Variants in COL14A1 observed in about 807,000 individuals in gnomAD.
COL14A1 encodes the protein collagen alpha-1(XIV) chain.
A neutral mutation model predicts 230.3 loss-of-function variants in COL14A1; 136 were observed. The ratio of observed to expected loss-of-function variants is 0.59; its 90% CI spans 0.51 to 0.68. The LOEUF (loss-of-function observed/expected upper bound fraction) is 0.68, where lower values mean the gene tolerates loss of function less well. Ranked by LOEUF, COL14A1 falls within the 30% of genes least tolerant of loss-of-function variation. The probability of loss-of-function intolerance (pLI) is 0.00; values close to 1 mark genes in which losing one functional copy is unlikely to be tolerated. For synonymous variants in COL14A1, 792 were observed against 784.1 expected (o/e 1.01, Z -0.17); for missense variants, 1,976 against 2,215.8 (o/e 0.89, Z 2.17).
In COL14A1 at chr8:120,243,964, A is replaced by G. The variant is rs1438911059; in HGVS notation, c.2435A>G (p.Tyr812Cys). 3.7e-6 allele frequency: 6 copies of G among 1,613,536 alleles called. No individual in the cohort carries two copies. The African/African-American group carries it at 5.3e-5, about 14-fold the overall frequency. The change falls in exon 20 of 48, where the codon TAC becomes TGC. Residue 812 changes from tyrosine (Y) to cysteine (C), a missense_variant. Physicochemically the swap from Tyr to Cys is radical, Grantham distance 194. This residue lies in a region of COL14A1 where 1,791 missense variants were observed against 2,019.5 expected (regional missense o/e 0.89). Transcript: ENST00000297848. ...TACAAAGTCACAGTGACTCCCATCT[A>G]CACGGATGGCGAAGGCGTCAGCGTC... ...TEYKVTVTPI[Y>C]TDGEGVSVSA...
intron 34 of COL14A1, among the ~76,000 whole-genome samples, chr8:120,294,102 T>C (rs915652669): frequency 1.3e-5 from 2 of 151,804 alleles, no homozygotes; most frequent in Non-Finnish European, 3.0e-5. Context: ...TCTCTAGATA[T>C]TTATATAAAT....
intron 40 of COL14A1, among the ~76,000 whole-genome samples, chr8:120,319,365 G>A (rs1821353716): frequency 6.6e-6 from 1 of 151,758 alleles, no homozygotes; most frequent in Non-Finnish European, 1.5e-5. Flanking sequence ...GTAGATATGG[G>A]GGTCTTGCTG....
chr8:120,151,639 C>CA (rs59123417), intron 2 of COL14A1, among the ~76,000 whole-genome samples: 3,295 of 78,528 alleles, frequency 0.042, 347 homozygotes, highest in African/African-American at 0.15. Context: ...GACTCCGTCT[C>CA]AAAAAAAAAA....
intron 24 of COL14A1, 23 bp downstream of exon 24, chr8:120,263,037 T>A (rs756697129): frequency 6.4e-7 from 1 of 1,567,532 alleles, no homozygotes; most frequent in Non-Finnish European, 8.6e-7. Context: ...TGTTCTCTCC[T>A]GATCCCTCTC....
chr8:120,325,643 G>C (rs7836893), intron 40 of COL14A1, among the ~76,000 whole-genome samples: 152,244 of 152,250 alleles, frequency 1, 76,119 homozygotes, highest in Middle Eastern at 1. Flanking sequence ...CAGGCGTAAC[G>C]TACCGCACCC....
intron 38 of COL14A1, among the ~76,000 whole-genome samples, chr8:120,314,917 C>T (rs913896212): frequency 6.6e-6 from 1 of 152,028 alleles, no homozygotes; most frequent in African/African-American, 2.4e-5. Context: ...AAATCCAAGC[C>T]GTAAATAATA....
Position 120,345,353 on chromosome 8 carries a change from G to A in COL14A1, c.4889-22G>A, listed in dbSNP as rs201156742. The A allele has an allele frequency of 6.5e-6, 10 of 1,541,842 alleles. No homozygotes were observed. The East Asian group carries it at 2.3e-4, about 35-fold the overall frequency. ...CTTGTGTGACAGTTCACTGAATGCT[G>A]TCTTTATGCTTCATACCTCAGGTCA... On this transcript the variant is annotated intron_variant, in intron 44 of 47. Coordinates refer to ENST00000297848, the MANE Select transcript of COL14A1 (RefSeq NM_021110.4).
rs768695690 is a variant in COL14A1, at chr8:120,203,748, C to G, written c.917C>G (p.Ala306Gly). 3 of 1,613,770 alleles carry G rather than the reference C, an allele frequency of 1.9e-6. No homozygotes were observed. In the East Asian group the frequency reaches 6.7e-5, roughly 36 times the overall value. Residue 306 changes from alanine to glycine, a missense_variant, in exon 9 of 48, where the codon GCC becomes GGC. Transcript: ENST00000297848. ...NADVNELQEI[A>G]SEPDSTHVYN... is the part of the protein sequence containing the mutation. ...GATGTGAATGAGCTGCAGGAGATCG[C>G]CTCTGAACCAGACAGCACTCATGTG...
chr8:120,192,635 G>A (rs1816868027), intron 5 of COL14A1, among the ~76,000 whole-genome samples: 1 of 152,202 alleles, frequency 6.6e-6, no homozygotes, highest in Non-Finnish European at 1.5e-5. Flanking sequence ...ATATCTTGCA[G>A]AGTGTTTTCC....
In COL14A1 at chr8:120,285,868, G is replaced by A. The variant is rs1416006305; in HGVS notation, c.3975G>A (p.Gly1325=). ...PLVGVILDNG[G]KTLTYFNYDQ... is the part of the protein sequence containing the mutation. ...TTATTTTTCTTTCAATAGATGGTGG[G>A]AAAACTCTAACATATTTCAACTATG... Residue 1325 remains glycine (G), a synonymous_variant, in exon 33 of 48, where the codon GGG becomes GGA. Coordinates refer to ENST00000297848, the MANE Select transcript of COL14A1 (RefSeq NM_021110.4). The A allele has an allele frequency of 6.3e-7, 1 of 1,584,076 alleles. No homozygotes were observed.
At chr8:120,134,214 G>T (rs1310713238) in intron 1 of COL14A1, among the ~76,000 whole-genome samples, 7 of 151,852 alleles carry the variant, frequency 4.6e-5, no homozygotes, top group South Asian at 2.1e-4. Flanking sequence ...CAATTTTGAG[G>T]AGTTTTTGGT....
At chr8:120,197,771 A>G (rs762537790) in intron 6 of COL14A1, 40 bp from the exon 7 acceptor site, 14 of 1,575,222 alleles carry the variant, frequency 8.9e-6, no homozygotes, top group Middle Eastern at 1.7e-4. Flanking sequence ...TTTTTGAGTA[A>G]CCCATTATTC....
chr8:120,307,625 C>T (rs1325103942), intron 36 of COL14A1, among the ~76,000 whole-genome samples: 1 of 152,022 alleles, frequency 6.6e-6, no homozygotes, highest in Non-Finnish European at 1.5e-5. Flanking sequence ...AATAGACAGT[C>T]ACAGTGAGAA....
At chr8:120,295,618 A>G (rs1820503378) in intron 34 of COL14A1, among the ~76,000 whole-genome samples, 1 of 151,762 alleles carries the variant, frequency 6.6e-6, no homozygotes, top group African/African-American at 2.4e-5. Context: ...CAATACTGTC[A>G]CTGTCATTTT....
At chr8:120,364,097 C>T (rs1338828511) in intron 45 of COL14A1, among the ~76,000 whole-genome samples, 1 of 150,494 alleles carries the variant, frequency 6.6e-6, no homozygotes, top group Non-Finnish European at 1.5e-5. Context: ...CCATGAGTCT[C>T]CTGAGTCTCG....
chr8:120,220,403 A>G (rs1463677962), intron 14 of COL14A1, among the ~76,000 whole-genome samples: 1 of 151,710 alleles, frequency 6.6e-6, no homozygotes, highest in Non-Finnish European at 1.5e-5. Flanking sequence ...CCACCCGAGT[A>G]GCTGGGACTA....
At chr8:120,128,612 G>C (rs547336914) in intron 1 of COL14A1, among the ~76,000 whole-genome samples, 1 of 152,272 alleles carries the variant, frequency 6.6e-6, no homozygotes, top group Admixed American at 6.5e-5. Flanking sequence ...GTGGGCACCT[G>C]TAATCCTAGA....
At chr8:120,290,614 G>T (rs1322409146) in intron 34 of COL14A1, among the ~76,000 whole-genome samples, 2 of 152,200 alleles carry the variant, frequency 1.3e-5, no homozygotes, top group Non-Finnish European at 2.9e-5. Flanking sequence ...GAATTAGCCA[G>T]TTATACAAGA....
chr8:120,256,043 A>G (rs1819139847), intron 23 of COL14A1, among the ~76,000 whole-genome samples: 1 of 152,206 alleles, frequency 6.6e-6, no homozygotes, highest in Admixed American at 6.5e-5. Flanking sequence ...CAGCATGGAC[A>G]CTATGCAGAA....
Sources: gnomAD v4.1 joint callset for allele counts (sites outside exome capture counted in the v4.1 genomes callset) on GRCh38, gnomAD v4.1.1 for gene constraint, gnomAD v4.1.1 regional missense constraint, MANE v1.5 for transcripts, NCBI Gene and HGNC (gene_info 2026-07-23, HGNC 2026-07-21) for gene names.